ITFG1: variants seen among roughly 807,000 people sequenced by gnomAD.
The protein encoded by ITFG1 is integrin alpha FG-GAP repeat containing 1, also known as T-cell immunomodulatory protein.
A neutral mutation model predicts 81.8 loss-of-function variants in ITFG1; 34 were observed. The ratio of observed to expected loss-of-function variants is 0.42; its 90% CI spans 0.32 to 0.55. The LOEUF (loss-of-function observed/expected upper bound fraction) is 0.55, where lower values mean the gene tolerates loss of function less well. ITFG1 is among the 20% of genes least tolerant of loss of function. The pLI is 0.17. For synonymous variants in ITFG1, 285 were observed against 270.6 expected, an observed-to-expected ratio of 1.05 and a Z score of -0.52; for missense variants, 672 against 755.4, an observed-to-expected ratio of 0.89 and a Z score of 1.29.
intron 6 of ITFG1, among the ~76,000 whole-genome samples, chr16:47,415,377 G>A (rs1038055401): frequency 1.3e-5 from 2 of 152,166 alleles, no homozygotes; most frequent in Non-Finnish European, 1.5e-5. Context: ...GTGGATTATC[G>A]AAGAAAGTGA....
At chr16:47,202,926 C>A (rs1416054444) in intron 14 of ITFG1, among the ~76,000 whole-genome samples, 2 of 152,028 alleles carry the variant, frequency 1.3e-5, no homozygotes, top group African/African-American at 4.8e-5. Flanking sequence ...GTAGACCCAC[C>A]ATGGAAAATG....
intron 6 of ITFG1, 26 bp downstream of exon 6, chr16:47,428,778 C>A: frequency 7.0e-7 from 1 of 1,431,808 alleles, no homozygotes; most frequent in South Asian, 1.2e-5. Context: ...TAACTCAAAA[C>A]AATTCCAGAT....
At chr16:47,430,144 G>A (rs574990446) in intron 5 of ITFG1, among the ~76,000 whole-genome samples, 11 of 145,754 alleles carry the variant, frequency 7.5e-5, no homozygotes, top group South Asian at 2.2e-4. Flanking sequence ...TGCAACTTCC[G>A]CCTCCAGGGT....
chr16:47,352,109 G>C (rs903791694), intron 8 of ITFG1, among the ~76,000 whole-genome samples: 2 of 152,100 alleles, frequency 1.3e-5, no homozygotes, highest in African/African-American at 4.8e-5. Flanking sequence ...AAAAACCCTA[G>C]AAAAAACCTA....
At chr16:47,399,239 T>C (rs1020950973) in intron 6 of ITFG1, among the ~76,000 whole-genome samples, 8 of 152,240 alleles carry the variant, frequency 5.3e-5, no homozygotes, top group African/African-American at 1.4e-4. Flanking sequence ...AAGAACACTT[T>C]AGGAGACACA....
intron 8 of ITFG1, among the ~76,000 whole-genome samples, chr16:47,316,705 A>G (rs1967364486): frequency 6.6e-6 from 1 of 152,184 alleles, no homozygotes; most frequent in Admixed American, 6.5e-5. Context: ...TTTAATTTGC[A>G]TATCTTTTAA....
At chr16:47,167,385 C>T (rs987418517) in intron 14 of ITFG1, among the ~76,000 whole-genome samples, 1 of 152,174 alleles carries the variant, frequency 6.6e-6, no homozygotes, top group South Asian at 2.1e-4. Context: ...TAACTGATGA[C>T]ATTCCACCAC....
chr16:47,222,893 G>A (rs549380386), intron 13 of ITFG1, among the ~76,000 whole-genome samples: 1 of 152,270 alleles, frequency 6.6e-6, no homozygotes, highest in South Asian at 2.1e-4. Context: ...GATTTGGGGT[G>A]GAGAGTTCTG....
chr16:47,308,985 C>T (rs1967213934), intron 10 of ITFG1, among the ~76,000 whole-genome samples: 1 of 151,818 alleles, frequency 6.6e-6, no homozygotes, highest in African/African-American at 2.4e-5. Context: ...TTCTTAAACA[C>T]AGTCACTAGA....
intron 14 of ITFG1, among the ~76,000 whole-genome samples, chr16:47,217,523 T>G (rs990663263): frequency 1.3e-5 from 2 of 152,232 alleles, no homozygotes; most frequent in African/African-American, 4.8e-5. Flanking sequence ...AGAGCCTTTT[T>G]TGTAAAGGTT....
At chr16:47,172,013 C>T (rs1299572290) in intron 14 of ITFG1, among the ~76,000 whole-genome samples, 1 of 151,964 alleles carries the variant, frequency 6.6e-6, no homozygotes, top group East Asian at 1.9e-4. Context: ...CAGTTATTGC[C>T]AAAAGAACCT....
intron 14 of ITFG1, among the ~76,000 whole-genome samples, chr16:47,164,239 C>T (rs1473245165): frequency 1.3e-5 from 2 of 151,186 alleles, no homozygotes; most frequent in African/African-American, 2.4e-5. Flanking sequence ...CAGCAGTTGC[C>T]CCAGGGTCTT....
chr16:47,414,103 G>A (rs1349839689), intron 6 of ITFG1, among the ~76,000 whole-genome samples: 2 of 151,936 alleles, frequency 1.3e-5, no homozygotes, highest in African/African-American at 4.8e-5. Flanking sequence ...TTACAGGCGT[G>A]AGCCACCACG....
In ITFG1 at chr16:47,336,803, A is replaced by T. The variant is rs189602748; in HGVS notation, c.803-22980T>A. Reference sequence around the variant, plus strand: ...CATGGCAAAATCCTGTCTCTACTAAAAATATAAAAATTAGCCGGGCATGGT... The same window carrying T: ...CATGGCAAAATCCTGTCTCTACTAATAATATAAAAATTAGCCGGGCATGGT... On this transcript the variant is annotated intron_variant, in intron 8 of 17. Transcript: ENST00000320640. 4.0e-5 allele frequency among the ~76,000 whole-genome samples: 6 copies of T among 151,870 alleles called. No individual in the cohort carries two copies. In the East Asian group the frequency reaches 1.2e-3, roughly 29 times the overall value.
At chr16:47,368,422 G>C (rs992461959) in intron 7 of ITFG1, among the ~76,000 whole-genome samples, 1 of 151,140 alleles carries the variant, frequency 6.6e-6, no homozygotes, top group Non-Finnish European at 1.5e-5. Context: ...GGGTTTGGTA[G>C]TGCACACCTG....
At chr16:47,363,028 C>T (rs1397911859) in intron 8 of ITFG1, among the ~76,000 whole-genome samples, 1 of 152,070 alleles carries the variant, frequency 6.6e-6, no homozygotes, top group African/African-American at 2.4e-5. Flanking sequence ...TCCTGAGTAG[C>T]CTGGACCACA....
In ITFG1 at chr16:47,460,976, G is replaced by A. The variant is rs774772166; in HGVS notation, c.70C>T (p.Leu24=). Residue 24 remains leucine (L), a synonymous_variant, in exon 1 of 18, where the codon CTG becomes TTG. Transcript: ENST00000320640. ...FSPLLAGLAL[L]GVGPVPARAL... ...CGCGCTGGGACCGGCCCGACTCCCAGTAGTGCAAGCCCTGCGAGGAGCGGC... is the reference window on the plus strand; with the variant it reads ...CGCGCTGGGACCGGCCCGACTCCCAATAGTGCAAGCCCTGCGAGGAGCGGC... 6 of 1,597,426 alleles carry A rather than the reference G, an allele frequency of 3.8e-6. No individual in the cohort carries two copies. The highest frequency in any genetic ancestry group is 3.4e-5 in the South Asian group (3 of 89,096).
intron 8 of ITFG1, among the ~76,000 whole-genome samples, chr16:47,350,915 C>T (rs533336655): frequency 5.3e-5 from 8 of 152,110 alleles, no homozygotes; most frequent in African/African-American, 1.9e-4. Flanking sequence ...TCAACATATG[C>T]AAATCAATAA....
At chr16:47,435,883 G>T (rs573144568) in intron 5 of ITFG1, among the ~76,000 whole-genome samples, 1 of 151,824 alleles carries the variant, frequency 6.6e-6, no homozygotes, top group East Asian at 1.9e-4. Flanking sequence ...CTGCAAAATA[G>T]GTAATATTTG....
Sources: gnomAD v4.1 joint callset for allele counts (sites outside exome capture counted in the v4.1 genomes callset) on GRCh38, gnomAD v4.1.1 for gene constraint, MANE v1.5 for transcripts, NCBI Gene and HGNC (gene_info 2026-07-23, HGNC 2026-07-21) for gene names.